Variants in BRDT observed in about 807,000 individuals in gnomAD.
BRDT encodes the protein bromodomain testis-specific protein.
BRDT carries 77 observed loss-of-function variants against 113.9 expected under a neutral mutation model. That is an observed-to-expected ratio of 0.68 (90% confidence interval 0.56 to 0.82). The LOEUF is 0.82. Among genes scored for constraint, BRDT ranks in the 40% least tolerant of loss-of-function variants. The pLI, the probability that BRDT is intolerant of heterozygous loss-of-function variation, is 0.00. For synonymous variants in BRDT, 358 were observed against 366.5 expected, an observed-to-expected ratio of 0.98 and a Z score of 0.26; for missense variants, 1,027 against 1,105.4, an observed-to-expected ratio of 0.93 and a Z score of 1.01.
intron 18 of BRDT, among the ~76,000 whole-genome samples, chr1:92,009,210 G>A (rs572000280): frequency 6.6e-6 from 1 of 152,110 alleles, no homozygotes; most frequent in African/African-American, 2.4e-5. Context: ...GTGAGATCAT[G>A]CAGTATTTGT....
rs746748695 is a variant in BRDT, at chr1:91,962,793, CCCT to C, written c.45_47del (p.Pro17del). ...GTCGACAAACAGCTATTATTGTTAA[CCCT>C]CCTCCACCAGAATATATAAATACTA... On this transcript the variant is annotated inframe_deletion, in exon 2 of 19. Transcript: ENST00000399546. 18 of 1,604,950 alleles carry C rather than the reference CCCT, an allele frequency of 1.1e-5. No homozygotes were observed. Among genetic ancestry groups the C allele is most frequent in the Non-Finnish European group, 1.4e-5 (17 of 1,176,840 alleles).
intron 1 of BRDT, among the ~76,000 whole-genome samples, chr1:91,960,349 ATTAT>A (rs1682301181): frequency 6.6e-6 from 1 of 152,236 alleles, no homozygotes; most frequent in Non-Finnish European, 1.5e-5. Flanking sequence ...ACGATGGAAT[ATTAT>A]TTAGCCTTAA....
chr1:92,002,221 T>C, intron 16 of BRDT, 72 bp downstream of exon 16: 1 of 1,059,190 alleles, frequency 9.4e-7, no homozygotes, highest in South Asian at 1.5e-5. Context: ...GTACAAGAGG[T>C]ATTTAAAAGC....
At chr1:91,976,137 CAAA>C in intron 4 of BRDT, 126 bp from the exon 5 acceptor site, 2 of 931,946 alleles carry the variant, frequency 2.1e-6, no homozygotes, top group South Asian at 2.4e-5. Context: ...GTGTAGATTT[CAAA>C]ATGAAATAAG....
At chr1:92,003,052 T>C (rs900849788) in intron 16 of BRDT, among the ~76,000 whole-genome samples, 1 of 152,204 alleles carries the variant, frequency 6.6e-6, no homozygotes, top group African/African-American at 2.4e-5. Flanking sequence ...GAAGGTGAGA[T>C]GCTTTAGTTG....
chr1:91,955,775 C>G (rs1681697428), intron 1 of BRDT, among the ~76,000 whole-genome samples: 1 of 151,202 alleles, frequency 6.6e-6, no homozygotes, highest in African/African-American at 2.4e-5. Context: ...CATTAGAAAC[C>G]AGGGCCTCCA....
At chr1:91,973,616 A>G (rs9324373) in intron 4 of BRDT, among the ~76,000 whole-genome samples, 148,913 of 152,244 alleles carry the variant, frequency 0.98, 72,897 homozygotes, top group Non-Finnish European at 1. Flanking sequence ...TGTGATTTTC[A>G]CACATTGATT....
chr1:92,009,545 C>CTTTTTT (rs59044630), intron 18 of BRDT, among the ~76,000 whole-genome samples: 2,407 of 103,224 alleles, frequency 0.023, 36 homozygotes, highest in Non-Finnish European at 0.03. Context: ...CAACTTGCCA[C>CTTTTTT]TTTTTTTTTT....
rs763311744 is a variant in BRDT at position 91,964,718 on chromosome 1, T to C, written c.284T>C (p.Ile95Thr). ...NKYYAKASEC[I>T]EDFNTMFSNC... Reference sequence around the variant, plus strand: ...TATTATGCGAAGGCTTCAGAATGTATAGAAGACTTCAATACAATGTTCTCA... The same window carrying C: ...TATTATGCGAAGGCTTCAGAATGTACAGAAGACTTCAATACAATGTTCTCA... Residue 95 changes from isoleucine to threonine, a missense_variant, in exon 3 of 19, where the codon ATA becomes ACA. Coordinates refer to ENST00000399546, the MANE Select transcript of BRDT (RefSeq NM_207189.4). The C allele has an allele frequency of 1.2e-4, 184 of 1,518,402 alleles. No homozygotes were observed. Among genetic ancestry groups the C allele is most frequent in the Non-Finnish European group, 1.6e-4 (182 of 1,113,562 alleles). The allele number at this position is 1,518,402 out of a possible 1,614,324, so 94.1% of individuals were successfully genotyped here. A position where few individuals can be genotyped will look rare whatever the true frequency, so the allele number is the denominator to read the frequency against.
At chr1:91,961,834 AG>A (rs1682481016) in intron 1 of BRDT, among the ~76,000 whole-genome samples, 1 of 152,108 alleles carries the variant, frequency 6.6e-6, no homozygotes, top group Admixed American at 6.6e-5. Flanking sequence ...TGTGAAAGAC[AG>A]GAAGACTGAG....
intron 15 of BRDT, among the ~76,000 whole-genome samples, chr1:91,994,674 G>A (rs1475163909): frequency 2.0e-5 from 3 of 151,556 alleles, no homozygotes; most frequent in Non-Finnish European, 2.9e-5. Flanking sequence ...AGACCATCCC[G>A]GCTAAAAAAC....
chr1:91,982,856 C>A (rs1300650481), intron 12 of BRDT, among the ~76,000 whole-genome samples: 1 of 152,074 alleles, frequency 6.6e-6, no homozygotes, highest in Non-Finnish European at 1.5e-5. Context: ...TATAGTATTT[C>A]CTTATTTGAC....
intron 3 of BRDT, among the ~76,000 whole-genome samples, chr1:91,965,296 T>C (rs1682942080): frequency 6.6e-6 from 1 of 152,208 alleles, no homozygotes; most frequent in Non-Finnish European, 1.5e-5. Flanking sequence ...TCAGTCTATT[T>C]GCTATAATAT....
At position 91,979,577 on chromosome 1, in the gene BRDT, C is replaced by G; in HGVS notation, c.1107C>G (p.Phe369Leu). 1 of 1,606,684 alleles carries G rather than the reference C, an allele frequency of 6.2e-7. No homozygotes were observed. Among genetic ancestry groups the G allele is most frequent in the Non-Finnish European group, 8.5e-7 (1 of 1,178,438 alleles). The change falls in exon 8 of 19, where the codon TTC (phenylalanine) becomes TTG (leucine). Residue 369 changes from phenylalanine to leucine, a missense_variant. Transcript: ENST00000399546. ...VTMARMLQDV[F>L]ETHFSKIPIE... ...CTAATTTTTCATTACAGGATGTTTT[C>G]GAAACGCATTTTTCAAAGATCCCGA...
At chr1:91,971,380 G>A (rs557013561) in intron 4 of BRDT, among the ~76,000 whole-genome samples, 9 of 152,270 alleles carry the variant, frequency 5.9e-5, no homozygotes, top group African/African-American at 2.2e-4. Flanking sequence ...TCAAAGAATA[G>A]GTAGGATTTG....
intron 1 of BRDT, among the ~76,000 whole-genome samples, chr1:91,959,419 C>CTTTTT (rs11346071): frequency 5.3e-5 from 6 of 112,806 alleles, no homozygotes; most frequent in African/African-American, 9.6e-5. Context: ...CTTTTTCTTT[C>CTTTTT]TTTTTTTTTT....
At chr1:91,976,482 A>AT (rs57536714) in intron 5 of BRDT, 44 bp downstream of exon 5, 1,873 of 1,397,578 alleles carry the variant, frequency 1.3e-3, no homozygotes, top group South Asian at 3.3e-3. Context: ...TTAACACTGG[A>AT]TTTTTTTTTT....
At chr1:91,971,188 C>T (rs1439747529) in intron 4 of BRDT, among the ~76,000 whole-genome samples, 2 of 151,950 alleles carry the variant, frequency 1.3e-5, no homozygotes, top group Admixed American at 1.3e-4. Flanking sequence ...ACGTCAAGGA[C>T]GGCACCAAGA....
At chr1:91,976,565 G>A in intron 5 of BRDT, 127 bp downstream of exon 5, 1 of 900,832 alleles carries the variant, frequency 1.1e-6, no homozygotes, top group Non-Finnish European at 1.6e-6. Context: ...CTAGCAATCT[G>A]AAATAATACT....
Sources: gnomAD v4.1 joint callset for allele counts (sites outside exome capture counted in the v4.1 genomes callset) on GRCh38, gnomAD v4.1.1 for gene constraint, MANE v1.5 for transcripts, NCBI Gene and HGNC (gene_info 2026-07-23, HGNC 2026-07-21) for gene names.